Variants in GRID2 observed in about 807,000 individuals in gnomAD.
GRID2 encodes glutamate ionotropic receptor delta type subunit 2, also known as glutamate receptor ionotropic, delta-2.
Under a neutral mutation model 114.8 loss-of-function variants are expected in GRID2, and 33 were observed. The observed-to-expected ratio is 0.29, with a 90% CI of 0.22 to 0.38. GRID2 has a LOEUF of 0.38. Ranked by LOEUF, GRID2 falls within the 10% of genes least tolerant of loss-of-function variation. The pLI, the probability that GRID2 is intolerant of heterozygous loss-of-function variation, is 1.00. For missense variants in GRID2, 1,184 were observed against 1,257.7 expected (o/e 0.94, Z 0.89); for synonymous variants, 505 against 449.9 (o/e 1.12, Z -1.55).
intron 2 of GRID2, among the ~76,000 whole-genome samples, chr4:92,869,641 AAACTATTGACTT>A (rs1396711787): frequency 6.6e-6 from 1 of 152,150 alleles, no homozygotes; most frequent in Non-Finnish European, 1.5e-5. Flanking sequence ...TCCCAGCTGA[AAACTATTGACTT>A]TCTTTTGCAT....
At chr4:92,499,463 A>T (rs1394911703) in intron 1 of GRID2, among the ~76,000 whole-genome samples, 1 of 152,180 alleles carries the variant, frequency 6.6e-6, no homozygotes, top group Non-Finnish European at 1.5e-5. Flanking sequence ...TTCCTTCAAG[A>T]TAATTAATAG....
At chr4:93,273,230 G>A (rs993562371) in intron 8 of GRID2, among the ~76,000 whole-genome samples, 1 of 152,138 alleles carries the variant, frequency 6.6e-6, no homozygotes, top group Admixed American at 6.6e-5. Context: ...TTGACACAAA[G>A]TAGTTAATAA....
intron 2 of GRID2, among the ~76,000 whole-genome samples, chr4:92,960,484 A>G (rs1351501544): frequency 2.0e-5 from 3 of 152,020 alleles, no homozygotes; most frequent in African/African-American, 7.2e-5. Context: ...ATGTCTTCTT[A>G]AAGGATTCAT....
intron 2 of GRID2, among the ~76,000 whole-genome samples, chr4:92,892,805 T>C (rs1353146308): frequency 6.6e-6 from 1 of 152,242 alleles, no homozygotes; most frequent in Admixed American, 6.5e-5. Flanking sequence ...TCTACTCTTC[T>C]ACTGTGAAAA....
chr4:92,820,776 A>C (rs1397394972), intron 2 of GRID2, among the ~76,000 whole-genome samples: 1 of 152,118 alleles, frequency 6.6e-6, no homozygotes, highest in Non-Finnish European at 1.5e-5. Context: ...ACATTCTATT[A>C]ATTTCAGGTT....
chr4:92,928,193 T>C (rs1015889267), intron 2 of GRID2, among the ~76,000 whole-genome samples: 1 of 151,802 alleles, frequency 6.6e-6, no homozygotes, highest in South Asian at 2.1e-4. Context: ...ATTATCCTTA[T>C]AAATTCCCAC....
chr4:93,049,409 C>G (rs1726476708), intron 2 of GRID2, among the ~76,000 whole-genome samples: 1 of 151,824 alleles, frequency 6.6e-6, no homozygotes. Context: ...TCACTTTTGA[C>G]TCTCTGTTTT....
intron 4 of GRID2, among the ~76,000 whole-genome samples, chr4:93,171,294 C>T (rs1738794210): frequency 1.3e-5 from 2 of 152,146 alleles, no homozygotes. Context: ...TTCCTCCTGA[C>T]TTAAATGTTC....
chr4:93,801,609 C>T (rs561116050), intron 1 of GRID2, among the ~76,000 whole-genome samples: 3 of 152,214 alleles, frequency 2.0e-5, no homozygotes, highest in African/African-American at 7.2e-5. Context: ...TAAATAGCGC[C>T]TTCTAACAGT....
intron 12 of GRID2, among the ~76,000 whole-genome samples, chr4:93,510,887 A>G (rs1729096398): frequency 6.6e-6 from 1 of 152,182 alleles, no homozygotes; most frequent in Non-Finnish European, 1.5e-5. Flanking sequence ...TTGCTGTCAG[A>G]TATATCTAAT....
At chr4:92,909,669 AC>A (rs1333239746) in intron 2 of GRID2, among the ~76,000 whole-genome samples, 12 of 152,116 alleles carry the variant, frequency 7.9e-5, no homozygotes, top group Non-Finnish European at 1.0e-4. Context: ...TGTGTCTTAT[AC>A]AGGAATTCAG....
chr4:92,652,454 G>T (rs1731989514), intron 2 of GRID2, among the ~76,000 whole-genome samples: 1 of 151,650 alleles, frequency 6.6e-6, no homozygotes, highest in Non-Finnish European at 1.5e-5. Flanking sequence ...AAGTCAGGAG[G>T]AATGCTAGAG....
intron 13 of GRID2, among the ~76,000 whole-genome samples, chr4:93,535,740 G>A (rs936773054): frequency 6.6e-6 from 1 of 151,524 alleles, no homozygotes; most frequent in Non-Finnish European, 1.5e-5. Context: ...TTTTTATTTG[G>A]GTTAATTGTT....
intron 4 of GRID2, 109 bp from the exon 5 acceptor site, chr4:93,207,295 C>G (rs1579292108): frequency 1.3e-6 from 1 of 796,312 alleles, no homozygotes; most frequent in East Asian, 2.5e-5. Flanking sequence ...GTAACAAAGA[C>G]CTTTCTAACA....
intron 11 of GRID2, among the ~76,000 whole-genome samples, chr4:93,483,936 T>C (rs549420731): frequency 2.7e-4 from 41 of 151,188 alleles, no homozygotes; most frequent in African/African-American, 9.0e-4. Flanking sequence ...GAGATTATGT[T>C]TTTTTTTTAA....
intron 1 of GRID2, among the ~76,000 whole-genome samples, chr4:92,384,433 AATATATATATATATATATATATATAT>A (rs372161362): frequency 6.3e-4 from 19 of 30,264 alleles, no homozygotes; most frequent in Non-Finnish European, 9.1e-4. Context: ...TGTGTGTAGG[AATATATATATATATATATATATATAT>A]ATATATATAT....
At chr4:92,786,596 T>C (rs1739332741) in intron 2 of GRID2, among the ~76,000 whole-genome samples, 1 of 151,814 alleles carries the variant, frequency 6.6e-6, no homozygotes, top group African/African-American at 2.4e-5. Flanking sequence ...CAAGATGCAA[T>C]GATAATAGGG....
chr4:92,903,759 G>A (rs955370143), intron 2 of GRID2, among the ~76,000 whole-genome samples: 13 of 151,806 alleles, frequency 8.6e-5, no homozygotes, highest in African/African-American at 2.9e-4. Flanking sequence ...AAATGTCATC[G>A]AATTATTACA....
chr4:93,801,487 A>G (rs1734927776), intron 1 of GRID2, among the ~76,000 whole-genome samples: 1 of 152,084 alleles, frequency 6.6e-6, no homozygotes, highest in Non-Finnish European at 1.5e-5. Flanking sequence ...AGACTTCTAA[A>G]TAAAATATAA....
Sources: gnomAD v4.1 joint callset for allele counts (sites outside exome capture counted in the v4.1 genomes callset) on GRCh38, gnomAD v4.1.1 for gene constraint, MANE v1.5 for transcripts, NCBI Gene and HGNC (gene_info 2026-07-23, HGNC 2026-07-21) for gene names.